FLVCR2: variants seen among roughly 807,000 people sequenced by gnomAD.
FLVCR2 encodes choline/ethanolamine transporter FLVCR2.
Under a neutral mutation model 48.9 loss-of-function variants are expected in FLVCR2, and 38 were observed. The ratio of observed to expected loss-of-function variants is 0.78; its 90% CI spans 0.60 to 1.02. FLVCR2 has a LOEUF of 1.02. Among genes scored for constraint, FLVCR2 ranks in the 50% least tolerant of loss-of-function variants. The pLI, the probability that FLVCR2 is intolerant of heterozygous loss-of-function variation, is 0.00. For missense variants in FLVCR2, 664 were observed against 663.3 expected, an observed-to-expected ratio of 1.00 and a Z score of -0.01; for synonymous variants, 255 against 257.0, an observed-to-expected ratio of 0.99 and a Z score of 0.07.
intron 1 of FLVCR2, among the ~76,000 whole-genome samples, chr14:75,579,950 G>T (rs913573491): frequency 3.9e-5 from 6 of 152,248 alleles, no homozygotes; most frequent in Admixed American, 6.5e-5. Flanking sequence ...TTTCAGGAAT[G>T]CTCTTCTGTC....
intron 9 of FLVCR2, among the ~76,000 whole-genome samples, chr14:75,643,802 C>T (rs934211784): frequency 2.0e-5 from 3 of 152,098 alleles, no homozygotes; most frequent in African/African-American, 7.2e-5. Context: ...GTACACTGGC[C>T]GGGCGCGATG....
rs922320431 is a variant in FLVCR2, at chr14:75,588,614, G to T, written c.669+8973G>T. 2.6e-5 allele frequency among the ~76,000 whole-genome samples: 4 copies of T among 152,194 alleles called. No individual in the cohort carries two copies. The East Asian group carries it at 7.7e-4, about 29-fold the overall frequency. Reference sequence around the variant, plus strand: ...CTGCCTCAGCCTCCAGAGTAACTGGGATTACAGGCACCTGTCACCATGCCC... The same window carrying T: ...CTGCCTCAGCCTCCAGAGTAACTGGTATTACAGGCACCTGTCACCATGCCC... On this transcript the variant is annotated intron_variant, in intron 1 of 9. Transcript: ENST00000238667.
Position 75,622,205 on chromosome 14 carries a change from A to G in FLVCR2, c.796A>G (p.Ile266Val), listed in dbSNP as rs1251750274. Reference protein sequence around the residue: ...IIGGVATLLLILVIIVFKEKP... With the variant: ...IIGGVATLLLVLVIIVFKEKP... ...AGGAGGTGTGGCCACTCTCCTCCTC[A>G]TCCTTGTCATCATTGGTAAGGTCAT... Residue 266 changes from isoleucine (I) to valine (V), a missense_variant, in exon 2 of 10, where the codon ATC becomes GTC. By Grantham distance (29) the Ile-to-Val change is conservative. Transcript: ENST00000238667. 1 of 1,614,028 alleles carries G rather than the reference A, an allele frequency of 6.2e-7. No homozygotes were observed. The highest frequency in any genetic ancestry group is 1.1e-5 in the South Asian group (1 of 91,070).
chr14:75,604,954 C>T (rs1889254461), intron 1 of FLVCR2, among the ~76,000 whole-genome samples: 1 of 152,164 alleles, frequency 6.6e-6, no homozygotes, highest in Admixed American at 6.5e-5. Context: ...TCTGGGGTGA[C>T]ACAGATACTC....
At chr14:75,605,028 C>T (rs529385125) in intron 1 of FLVCR2, among the ~76,000 whole-genome samples, 4 of 152,132 alleles carry the variant, frequency 2.6e-5, no homozygotes, top group South Asian at 4.1e-4. Context: ...CTGAAGGAAG[C>T]GGGCAGGGGT....
intron 9 of FLVCR2, 55 bp downstream of exon 9, chr14:75,641,953 G>A: frequency 3.3e-6 from 5 of 1,510,276 alleles, no homozygotes; most frequent in Non-Finnish European, 4.6e-6. Context: ...CTTTTGATGA[G>A]GATGTGGCAA....
intron 3 of FLVCR2, among the ~76,000 whole-genome samples, chr14:75,625,927 A>G (rs1889890370): frequency 6.6e-6 from 1 of 151,988 alleles, no homozygotes; most frequent in South Asian, 2.1e-4. Flanking sequence ...AGGTCACACA[A>G]CTTTCAAGTG....
chr14:75,617,845 G>A (rs1040631283), intron 1 of FLVCR2, among the ~76,000 whole-genome samples: 3 of 152,222 alleles, frequency 2.0e-5, no homozygotes, highest in African/African-American at 7.2e-5. Flanking sequence ...CCAACCTCAT[G>A]TAAGGGATTA....
In FLVCR2 at chr14:75,624,741, T is replaced by G; in HGVS notation, c.941T>G (p.Val314Gly). Residue 314 changes from valine to glycine, a missense_variant, in exon 3 of 10, where the codon GTC becomes GGC. Transcript: ENST00000238667. ...LFKNLNFVLL[V>G]ITYGLNAGAF... is the part of the protein sequence containing the mutation. ...AAAAATCTCAACTTTGTGCTGCTTG[T>G]CATCACCTATGGTAAGGTGTCAATG... is the stretch of plus-strand genomic sequence containing the variant. 1 of 1,614,180 alleles carries G rather than the reference T, an allele frequency of 6.2e-7. No homozygotes were observed. Among genetic ancestry groups the G allele is most frequent in the Admixed American group, 1.7e-5 (1 of 60,028 alleles).
At chr14:75,640,561 C>T (rs1165214319) in intron 6 of FLVCR2, among the ~76,000 whole-genome samples, 4 of 152,166 alleles carry the variant, frequency 2.6e-5, no homozygotes, top group Non-Finnish European at 1.5e-5. Flanking sequence ...CAGAGAGCCA[C>T]GGAGATCCTG....
intron 1 of FLVCR2, chr14:75,605,708 G>C (rs1048547640): frequency 1.5e-6 from 2 of 1,324,050 alleles, no homozygotes; most frequent in Non-Finnish European, 2.1e-6. Flanking sequence ...TGTTTGCTTT[G>C]GCTCCCCTCC....
chr14:75,590,632 A>C (rs962460451), intron 1 of FLVCR2, among the ~76,000 whole-genome samples: 3 of 152,168 alleles, frequency 2.0e-5, no homozygotes, highest in Non-Finnish European at 4.4e-5. Flanking sequence ...TGCTATTCTC[A>C]TGACAGTCAG....
chr14:75,625,469 A>C (rs1566793314), intron 3 of FLVCR2, among the ~76,000 whole-genome samples: 1 of 152,102 alleles, frequency 6.6e-6, no homozygotes, highest in East Asian at 1.9e-4. Context: ...GGGCAAAGAC[A>C]GAGCCTCATA....
chr14:75,596,169 A>G (rs1889015240), intron 1 of FLVCR2: 10 of 765,064 alleles, frequency 1.3e-5, no homozygotes, highest in Non-Finnish European at 2.3e-5. Flanking sequence ...TCGGTTGATC[A>G]TGAACTTTCT....
chr14:75,615,794 C>T (rs1485881343), intron 1 of FLVCR2, among the ~76,000 whole-genome samples: 8 of 148,044 alleles, frequency 5.4e-5, no homozygotes, highest in Admixed American at 2.0e-4. Context: ...CCGAGGCGGG[C>T]GGATCACAAG....
At chr14:75,635,181 G>T (rs1890136589) in intron 5 of FLVCR2, among the ~76,000 whole-genome samples, 168 bp downstream of exon 5, 1 of 152,162 alleles carries the variant, frequency 6.6e-6, no homozygotes, top group South Asian at 2.1e-4. Flanking sequence ...AATGAGGGAA[G>T]CTATACCCGT....
At position 75,634,973 on chromosome 14, in the gene FLVCR2, G is replaced by C. The variant is rs774751082; in HGVS notation, c.1084G>C (p.Val362Leu). 6.2e-7 allele frequency: 1 copy of C among 1,613,996 alleles called. No individual in the cohort carries two copies. Among genetic ancestry groups the C allele is most frequent in the South Asian group, 1.1e-5 (1 of 91,064 alleles). The change falls in exon 5 of 10, where the codon GTG becomes CTG. Residue 362 changes from valine (V) to leucine (L), a missense_variant. Transcript: ENST00000238667. ...TIVIAGMLGA[V>L]ISGIWLDRSK... ...CGTCATTGCAGGAATGCTTGGGGCT[G>C]TGATCTCAGGAATCTGGCTGGATAG...
intron 3 of FLVCR2, among the ~76,000 whole-genome samples, chr14:75,627,370 G>C (rs1889927467): frequency 6.7e-6 from 1 of 149,650 alleles, no homozygotes; most frequent in Non-Finnish European, 1.5e-5. Flanking sequence ...TTAACAAATG[G>C]CTTGCAACAA....
intron 3 of FLVCR2, among the ~76,000 whole-genome samples, chr14:75,631,210 C>A (rs141785793): frequency 3.0e-4 from 45 of 152,306 alleles, no homozygotes; most frequent in African/African-American, 1.1e-3. Context: ...CCTTTAGCCC[C>A]GCTTCAGTCT....
Sources: gnomAD v4.1 joint callset for allele counts (sites outside exome capture counted in the v4.1 genomes callset) on GRCh38, gnomAD v4.1.1 for gene constraint, MANE v1.5 for transcripts, NCBI Gene and HGNC (gene_info 2026-07-23, HGNC 2026-07-21) for gene names.